Variants in ZNF407 observed in about 807,000 individuals in gnomAD.
ZNF407 encodes the protein zinc finger protein 407.
Under a neutral mutation model 131.2 loss-of-function variants are expected in ZNF407, and 17 were observed. The ratio of observed to expected loss-of-function variants is 0.13; its 90% CI spans 0.09 to 0.19. The LOEUF (loss-of-function observed/expected upper bound fraction) is 0.19, where lower values mean the gene tolerates loss of function less well. Ranked by LOEUF, ZNF407 falls within the 10% of genes least tolerant of loss-of-function variation. The pLI is 1.00. For missense variants in ZNF407, 2,681 were observed against 2,830.6 expected (o/e 0.95, Z 1.20); for synonymous variants, 1,156 against 1,062.0 (o/e 1.09, Z -1.72).
chr18:74,759,885 A>G (rs1969054725), intron 3 of ZNF407, among the ~76,000 whole-genome samples: 1 of 150,250 alleles, frequency 6.7e-6, no homozygotes, highest in Admixed American at 6.6e-5. Context: ...TTTCATGGAA[A>G]TGGTTTCTGT....
intron 3 of ZNF407, among the ~76,000 whole-genome samples, chr18:74,742,163 G>A (rs746168518): frequency 5.3e-5 from 8 of 152,118 alleles, no homozygotes; most frequent in African/African-American, 1.2e-4. Flanking sequence ...GAAGGAAGAT[G>A]GAAGACTTGA....
chr18:74,756,226 A>T (rs1158435935), intron 3 of ZNF407, among the ~76,000 whole-genome samples: 2 of 151,858 alleles, frequency 1.3e-5, no homozygotes, highest in Non-Finnish European at 2.9e-5. Context: ...TCGCACCTTG[A>T]TTATTGTTGC....
intron 1 of ZNF407, among the ~76,000 whole-genome samples, chr18:74,620,572 A>G (rs1333847331): frequency 2.0e-5 from 3 of 152,192 alleles, no homozygotes; most frequent in Non-Finnish European, 4.4e-5. Flanking sequence ...CTATTCCGAC[A>G]TGAGTGAGAA....
chr18:74,910,899 C>T (rs1013822967), intron 7 of ZNF407, among the ~76,000 whole-genome samples: 7 of 152,138 alleles, frequency 4.6e-5, no homozygotes, highest in African/African-American at 1.2e-4. Flanking sequence ...GACTCCTTCC[C>T]GTATCCCTTT....
chr18:74,817,042 A>C (rs745337864), intron 4 of ZNF407, among the ~76,000 whole-genome samples: 4 of 152,158 alleles, frequency 2.6e-5, no homozygotes, highest in Non-Finnish European at 5.9e-5. Flanking sequence ...TGAAAGTTTA[A>C]TATGTTCAGA....
intron 8 of ZNF407, among the ~76,000 whole-genome samples, chr18:74,930,697 T>G (rs1324467215): frequency 6.6e-6 from 1 of 152,214 alleles, no homozygotes; most frequent in African/African-American, 2.4e-5. Context: ...GCTTATTTTC[T>G]TACTGAAAGC....
chr18:74,993,623 A>G (rs1972744605), intron 8 of ZNF407, among the ~76,000 whole-genome samples: 1 of 152,234 alleles, frequency 6.6e-6, no homozygotes, highest in African/African-American at 2.4e-5. Flanking sequence ...AACTGACTAT[A>G]AATTACACTT....
chr18:74,697,216 A>G (rs1967380605), intron 3 of ZNF407, among the ~76,000 whole-genome samples: 1 of 152,104 alleles, frequency 6.6e-6, no homozygotes, highest in Non-Finnish European at 1.5e-5. Flanking sequence ...TTCTCCATTC[A>G]CATTAGCTTT....
intron 4 of ZNF407, among the ~76,000 whole-genome samples, chr18:74,802,835 C>A (rs1568222777): frequency 2.0e-5 from 3 of 152,072 alleles, no homozygotes; most frequent in Non-Finnish European, 4.4e-5. Context: ...AATACATTGT[C>A]AAGTTAAGAT....
intron 3 of ZNF407, among the ~76,000 whole-genome samples, chr18:74,651,018 A>C (rs1186712972): frequency 6.6e-6 from 1 of 152,084 alleles, no homozygotes; most frequent in African/African-American, 2.4e-5. Context: ...TAAAGATAGA[A>C]ATTTTGGTGT....
chr18:74,828,533 A>T (rs1184879945), intron 4 of ZNF407, among the ~76,000 whole-genome samples: 1 of 150,708 alleles, frequency 6.6e-6, no homozygotes, highest in Non-Finnish European at 1.5e-5. Flanking sequence ...AAGTTTTTAG[A>T]TGGAGTTATT....
intron 7 of ZNF407, among the ~76,000 whole-genome samples, chr18:74,901,067 A>G (rs1971518244): frequency 6.6e-6 from 1 of 152,166 alleles, no homozygotes. Context: ...GAGATAGGGA[A>G]CGTGATTTGT....
At chr18:74,823,115 A>G (rs981595903) in intron 4 of ZNF407, among the ~76,000 whole-genome samples, 6 of 152,230 alleles carry the variant, frequency 3.9e-5, no homozygotes, top group African/African-American at 1.2e-4. Flanking sequence ...AAACTAAGCT[A>G]CATAAGCGAA....
intron 1 of ZNF407, among the ~76,000 whole-genome samples, chr18:74,599,768 C>T (rs1327131413): frequency 6.6e-6 from 1 of 152,194 alleles, no homozygotes; most frequent in East Asian, 1.9e-4. Context: ...TAGTTTGATT[C>T]TTCTCTTTCT....
At chr18:74,954,455 G>C (rs1302835336) in intron 8 of ZNF407, among the ~76,000 whole-genome samples, 1 of 151,968 alleles carries the variant, frequency 6.6e-6, no homozygotes, top group Non-Finnish European at 1.5e-5. Flanking sequence ...AAAAAATGTT[G>C]GGCAAAGGAG....
intron 3 of ZNF407, among the ~76,000 whole-genome samples, chr18:74,675,292 G>T (rs499747): frequency 0.023 from 3,526 of 152,126 alleles, 149 homozygotes; most frequent in African/African-American, 0.08. Context: ...ATCACTTACC[G>T]AAAAAGTACT....
chr18:75,004,596 G>T (rs540241947), intron 8 of ZNF407, among the ~76,000 whole-genome samples: 3 of 152,146 alleles, frequency 2.0e-5, no homozygotes, highest in Non-Finnish European at 2.9e-5. Flanking sequence ...GGTCCTGTCC[G>T]ATTCATTCAA....
At chr18:74,760,746 C>T (rs766212570) in intron 3 of ZNF407, among the ~76,000 whole-genome samples, 14 of 152,110 alleles carry the variant, frequency 9.2e-5, no homozygotes, top group Non-Finnish European at 1.8e-4. Flanking sequence ...TTGACCGCTC[C>T]TCCTAGCTCC....
intron 8 of ZNF407, among the ~76,000 whole-genome samples, chr18:74,942,146 A>G (rs1972106649): frequency 1.3e-5 from 2 of 152,188 alleles, no homozygotes; most frequent in South Asian, 4.1e-4. Context: ...ATTAATATAA[A>G]CTAGAGGAAA....
Sources: allele counts gnomAD v4.1 joint callset (sites outside exome capture counted in the v4.1 genomes callset), GRCh38; gene constraint gnomAD v4.1.1; transcripts MANE v1.5; gene names NCBI Gene and HGNC (gene_info 2026-07-23, HGNC 2026-07-21).